The following PRKN variants were observed in gnomAD, a reference collection of about 807,000 sequenced individuals.
The protein encoded by PRKN is E3 ubiquitin-protein ligase parkin.
In PRKN, 56 loss-of-function variants were observed where a neutral mutation model predicts 59.5. The ratio of observed to expected loss-of-function variants is 0.94; its 90% CI spans 0.76 to 1.18. PRKN has a LOEUF of 1.18. PRKN is among the 50% of genes most tolerant of loss of function. The pLI is 0.00. For missense variants in PRKN, 657 were observed against 596.4 expected (o/e 1.10, Z -1.06); for synonymous variants, 250 against 222.1 (o/e 1.13, Z -1.12).
chr6:161,908,082 TAACAACAACGACAACAACAAC>T (rs1419104330), intron 6 of PRKN, among the ~76,000 whole-genome samples: 1 of 148,762 alleles, frequency 6.7e-6, no homozygotes, highest in African/African-American at 2.4e-5. Context: ...CATCTCAAAC[TAACAACAACGACAACAACAAC>T]AACAACAACA....
chr6:161,804,252 G>T lies in PRKN; in HGVS notation c.735-18344C>A, dbSNP rs977680714. On this transcript the variant is annotated intron_variant, in intron 6 of 11. Coordinates refer to ENST00000366898, the MANE Select transcript of PRKN (RefSeq NM_004562.3). ...CACCCAAGAGGAGAGAGGACAATGG[G>T]GCCTGAATGAACTTGGGGTGATGCA... 2.6e-5 allele frequency among the ~76,000 whole-genome samples: 4 copies of T among 152,194 alleles called. No homozygotes were observed. In the East Asian group the frequency reaches 5.8e-4, roughly 22 times the overall value.
At chr6:162,334,139 T>C (rs1182697094) in intron 2 of PRKN, among the ~76,000 whole-genome samples, 1 of 152,128 alleles carries the variant, frequency 6.6e-6, no homozygotes, top group Non-Finnish European at 1.5e-5. Context: ...AAAGAAACTG[T>C]CTCCATCATG....
intron 2 of PRKN, among the ~76,000 whole-genome samples, chr6:162,353,722 T>C (rs985021107): frequency 2.0e-5 from 3 of 152,114 alleles, no homozygotes; most frequent in East Asian, 3.9e-4. Flanking sequence ...TTAGGTAGAC[T>C]GATATTGAAA....
chr6:162,561,666 C>G (rs1779852110), intron 1 of PRKN, among the ~76,000 whole-genome samples: 1 of 152,166 alleles, frequency 6.6e-6, no homozygotes, highest in South Asian at 2.1e-4. Flanking sequence ...GGAGGGAGAA[C>G]ACAGCAATTG....
chr6:162,135,310 G>A (rs540151585), intron 4 of PRKN, among the ~76,000 whole-genome samples: 52 of 152,070 alleles, frequency 3.4e-4, no homozygotes, highest in Non-Finnish European at 5.4e-4. Context: ...CTAAAACACC[G>A]CGATTAAAGG....
intron 1 of PRKN, among the ~76,000 whole-genome samples, chr6:162,723,963 A>G (rs1779031411): frequency 6.6e-6 from 1 of 152,222 alleles, no homozygotes; most frequent in Non-Finnish European, 1.5e-5. Flanking sequence ...TTGTCAATCA[A>G]AAATCTTCTT....
At chr6:161,874,258 T>TATAATATATATTATATATTATATATTAC (rs1794533336) in intron 6 of PRKN, among the ~76,000 whole-genome samples, 1 of 13,286 alleles carries the variant, frequency 7.5e-5, no homozygotes, top group Non-Finnish European at 2.4e-4. Context: ...ATATATATTA[T>TATAATATATATTATATATTATATATTAC]ATGTAAAATA....
chr6:161,687,789 T>G (rs1482114058), intron 7 of PRKN, among the ~76,000 whole-genome samples: 1 of 152,070 alleles, frequency 6.6e-6, no homozygotes, highest in Admixed American at 6.6e-5. Context: ...TTAAACATGT[T>G]TTCCTGTCTT....
At chr6:162,186,067 G>A (rs1056608449) in intron 4 of PRKN, among the ~76,000 whole-genome samples, 1 of 151,924 alleles carries the variant, frequency 6.6e-6, no homozygotes, top group African/African-American at 2.4e-5. Context: ...TTTCTTGGGT[G>A]TAAAATAGTC....
intron 6 of PRKN, among the ~76,000 whole-genome samples, chr6:161,831,781 G>C (rs1295911415): frequency 7.0e-6 from 1 of 143,070 alleles, no homozygotes; most frequent in Non-Finnish European, 1.5e-5. Flanking sequence ...AAAATAAGAG[G>C]TTCAGGGAGG....
Position 161,367,019 on chromosome 6 carries a change from G to C in PRKN, c.1168-6814C>G, listed in dbSNP as rs1785232547. Among the ~76,000 whole-genome samples, 2 of 111,136 alleles carry C rather than the reference G, an allele frequency of 1.8e-5. 1 individual carries two copies. The highest frequency in any genetic ancestry group is 0.014 in the Middle Eastern group (2 of 146). 72.9% of individuals were successfully genotyped at this position (111,136 alleles called of 152,430 possible). On this transcript the variant is annotated intron_variant, in intron 10 of 11. Coordinates refer to ENST00000366898, the MANE Select transcript of PRKN (RefSeq NM_004562.3). The stretch of plus-strand genomic sequence containing the variant: ...TTTTTTTTTTTTTTTGAGACAGAGT[G>C]TGGCTCTGTCGCCCAGGCTGGACTG...
rs1326396377 is a variant in PRKN at position 161,568,989 on chromosome 6, T to G, written c.933+366A>C. Among the ~76,000 whole-genome samples the G allele has an allele frequency of 3.5e-5, 5 of 143,318 alleles. No homozygotes were observed. The East Asian group carries it at 6.1e-4, about 17-fold the overall frequency. 94.0% of individuals were successfully genotyped at this position (143,318 alleles called of 152,430 possible). A position where few individuals can be genotyped will look rare whatever the true frequency, so the allele number is the denominator to read the frequency against. ...AAACCTGGTAAAAAAAAAAAAAAAATGCTCACACATTCACCCACAGACAGC... is the reference window on the plus strand; with the variant it reads ...AAACCTGGTAAAAAAAAAAAAAAAAGGCTCACACATTCACCCACAGACAGC... On this transcript the variant is annotated intron_variant, in intron 8 of 11. Coordinates refer to ENST00000366898, the MANE Select transcript of PRKN (RefSeq NM_004562.3).
intron 4 of PRKN, among the ~76,000 whole-genome samples, chr6:162,079,556 C>G (rs1015941550): frequency 1.3e-5 from 2 of 151,948 alleles, no homozygotes; most frequent in African/African-American, 2.4e-5. Flanking sequence ...AAAACAAAAC[C>G]CTGCCCATCC....
chr6:161,655,066 A>C (rs1784288666), intron 7 of PRKN, among the ~76,000 whole-genome samples: 1 of 150,976 alleles, frequency 6.6e-6, no homozygotes, highest in African/African-American at 2.5e-5. Flanking sequence ...GTGCACCGTC[A>C]CAGAGGCATT....
At chr6:161,900,688 A>G (rs558684444) in intron 6 of PRKN, among the ~76,000 whole-genome samples, 5,859 of 129,194 alleles carry the variant, frequency 0.045, 366 homozygotes, top group East Asian at 0.33. Flanking sequence ...ATAATATATT[A>G]TATATTATAG....
chr6:161,922,200 T>C (rs1778810077), intron 6 of PRKN, among the ~76,000 whole-genome samples: 1 of 152,120 alleles, frequency 6.6e-6, no homozygotes, highest in Non-Finnish European at 1.5e-5. Context: ...ATTGGCAGAG[T>C]GTCAACTTCT....
At chr6:161,587,695 C>T (rs1781568679) in intron 7 of PRKN, among the ~76,000 whole-genome samples, 1 of 151,970 alleles carries the variant, frequency 6.6e-6, no homozygotes, top group African/African-American at 2.4e-5. Context: ...TATCTGGTTA[C>T]ACGAGTAAGT....
intron 8 of PRKN, among the ~76,000 whole-genome samples, chr6:161,553,527 GTCTT>G (rs1780120419): frequency 1.3e-5 from 2 of 151,940 alleles, no homozygotes; most frequent in Non-Finnish European, 2.9e-5. Context: ...AGATCATAAT[GTCTT>G]TCTCTCTTCT....
At chr6:162,486,909 A>C (rs1792568560) in intron 1 of PRKN, among the ~76,000 whole-genome samples, 1 of 152,048 alleles carries the variant, frequency 6.6e-6, no homozygotes, top group Non-Finnish European at 1.5e-5. Context: ...ATCTCTACTA[A>C]AAACACAAAA....
Sources: allele counts gnomAD v4.1 joint callset (sites outside exome capture counted in the v4.1 genomes callset), GRCh38; gene constraint gnomAD v4.1.1; transcripts MANE v1.5; gene names NCBI Gene and HGNC (gene_info 2026-07-23, HGNC 2026-07-21).